OR51B5: variants seen among roughly 807,000 people sequenced by gnomAD.
OR51B5 encodes olfactory receptor family 51 subfamily B member 5, also known as olfactory receptor 51B5.
For missense variants in OR51B5, 456 were observed against 374.6 expected (o/e 1.22, Z -1.79); for synonymous variants, 186 against 144.8 (o/e 1.28, Z -2.04).
intron 1 of OR51B5, among the ~76,000 whole-genome samples, chr11:5,477,997 G>A (rs1851342541): frequency 1.3e-5 from 2 of 151,950 alleles, no homozygotes; most frequent in South Asian, 4.2e-4. Flanking sequence ...CTCCAACTGG[G>A]TGGAGCCCAC....
At chr11:5,465,847 T>C (rs1851132222) in intron 1 of OR51B5, among the ~76,000 whole-genome samples, 1 of 150,352 alleles carries the variant, frequency 6.7e-6, no homozygotes, top group Non-Finnish European at 1.5e-5. Flanking sequence ...CCTAAAACCA[T>C]AAAAACCCTA....
chr11:5,447,439 G>A (rs1367247386), intron 1 of OR51B5, among the ~76,000 whole-genome samples: 1 of 152,126 alleles, frequency 6.6e-6, no homozygotes, highest in African/African-American at 2.4e-5. Context: ...GTCTATAGGT[G>A]GTAGTAGCTT....
At chr11:5,417,496 C>A (rs1459754913) in intron 1 of OR51B5, among the ~76,000 whole-genome samples, 7 of 150,556 alleles carry the variant, frequency 4.6e-5, no homozygotes, top group Admixed American at 6.6e-5. Context: ...AGGCAACCCA[C>A]AAAATGGGAG....
At chr11:5,366,541 G>T (rs147600387) in intron 1 of OR51B5, among the ~76,000 whole-genome samples, 1 of 151,884 alleles carries the variant, frequency 6.6e-6, no homozygotes, top group Admixed American at 6.6e-5. Context: ...CCTGGGAGGC[G>T]GAGGTTGCAG....
intron 1 of OR51B5, among the ~76,000 whole-genome samples, chr11:5,473,871 G>A (rs1851266138): frequency 6.6e-6 from 1 of 151,944 alleles, no homozygotes; most frequent in African/African-American, 2.4e-5. Context: ...GTGTGTGTGT[G>A]TGTGTGTGTA....
At chr11:5,413,044 G>GA (rs1307986228) in intron 1 of OR51B5, among the ~76,000 whole-genome samples, 1 of 151,660 alleles carries the variant, frequency 6.6e-6, no homozygotes, top group Non-Finnish European at 1.5e-5. Context: ...CCCCAGTAGG[G>GA]CAGACTGACA....
rs968183689 is a variant in OR51B5 at position 5,350,590 on chromosome 11, TA to T, written n.85-3681del. Among the ~76,000 whole-genome samples the T allele has an allele frequency of 3.5e-3, 534 of 150,564 alleles. 1 individual carries two copies. Among genetic ancestry groups the T allele is most frequent in the South Asian group, 0.017 (82 of 4,752 alleles). On this transcript the variant is annotated intron_variant and non_coding_transcript_variant, in intron 1 of 4. Coordinates refer to the OR51B5 transcript ENST00000415970. ...CAAATCCCATCAGATTCCATAGTTT[TA>T]AAAAAAAAATTCTCCTTGATCTTGC...
intron 1 of OR51B5, among the ~76,000 whole-genome samples, chr11:5,499,701 C>A (rs1380863343): frequency 6.6e-6 from 1 of 152,138 alleles, no homozygotes; most frequent in African/African-American, 2.4e-5. Context: ...CCCTTTCTAC[C>A]AAGCCTTAAA....
chr11:5,340,337 TTTTA>T (rs551961953), downstream of OR51B5: 231 of 152,252 alleles, frequency 1.5e-3, no homozygotes, highest in African/African-American at 5.4e-3. Flanking sequence ...TGAAGATTCT[TTTTA>T]TTTATTATCA....
chr11:5,393,672 G>A (rs959381701), intron 1 of OR51B5, among the ~76,000 whole-genome samples: 2 of 151,974 alleles, frequency 1.3e-5, no homozygotes, highest in Non-Finnish European at 2.9e-5. Flanking sequence ...CGGTAGAGAG[G>A]GCTGAGTACT....
chr11:5,484,784 C>T (rs144974471), intron 1 of OR51B5, among the ~76,000 whole-genome samples: 284 of 152,258 alleles, frequency 1.9e-3, no homozygotes, highest in Middle Eastern at 6.8e-3. Context: ...ACAAACCCGA[C>T]GGTATTACCA....
At chr11:5,469,758 T>C (rs936137245) in intron 1 of OR51B5, among the ~76,000 whole-genome samples, 1 of 152,190 alleles carries the variant, frequency 6.6e-6, no homozygotes, top group African/African-American at 2.4e-5. Flanking sequence ...GATTTCCCCT[T>C]TCTCTCTACT....
intron 1 of OR51B5, chr11:5,391,368 A>C (rs11037195): frequency 0.79 from 119,870 of 151,992 alleles, 47,643 homozygotes; most frequent in Middle Eastern, 0.84. Flanking sequence ...TCCCGTTGTA[A>C]CATTTGTCAC....
chr11:5,485,927 TA>T (rs1380606179), intron 1 of OR51B5, among the ~76,000 whole-genome samples: 1 of 152,054 alleles, frequency 6.6e-6, no homozygotes, highest in Non-Finnish European at 1.5e-5. Flanking sequence ...ATAGTTTTTT[TA>T]AAAAATGTGG....
rs749417670 is a variant in OR51B5 at position 5,390,237 on chromosome 11, C to T, written n.85-43327G>A. ...CTGGTGCACCGTTTTGGGAAGCATG[C>T]CCCACCTGCTATTCATCTTCTTATG... On this transcript the variant is annotated intron_variant and non_coding_transcript_variant, in intron 1 of 4. Coordinates refer to the OR51B5 transcript ENST00000415970. The T allele has an allele frequency of 4.3e-6, 7 of 1,613,998 alleles. 1 individual carries two copies. The South Asian group carries it at 5.5e-5, about 13-fold the overall frequency.
Position 5,422,369 on chromosome 11 carries a change from G to T in OR51B5, n.85-75459C>A, listed in dbSNP as rs148600381. On this transcript the variant is annotated intron_variant and non_coding_transcript_variant, in intron 1 of 4. Transcript: ENST00000415970. ...CACTGTCATTCGCACAGAGCCATCT[G>T]TCCACCAGCGCATGTATCTGTTTCT... The T allele has an allele frequency of 2.4e-4, 392 of 1,614,122 alleles. 1 individual carries two copies. In the East Asian group the frequency reaches 4.7e-3, roughly 20 times the overall value.
In OR51B5 at chr11:5,351,855, G is replaced by A. The variant is rs200447691; in HGVS notation, n.85-4945C>T. 1.7e-4 allele frequency: 273 copies of A among 1,613,838 alleles called. 1 individual carries two copies. The highest frequency in any genetic ancestry group is 2.2e-4 in the Non-Finnish European group (265 of 1,179,814). Reference sequence around the variant, plus strand: ...TGGAGTCAGGTGTCTTGCTTGCCATGGCTTATGACTGTTTCATTACCATCC... The same window carrying A: ...TGGAGTCAGGTGTCTTGCTTGCCATAGCTTATGACTGTTTCATTACCATCC... On this transcript the variant is annotated intron_variant and non_coding_transcript_variant, in intron 1 of 4. Transcript: ENST00000415970.
chr11:5,480,119 T>A (rs1160624312), intron 1 of OR51B5, among the ~76,000 whole-genome samples: 1 of 152,168 alleles, frequency 6.6e-6, no homozygotes, highest in African/African-American at 2.4e-5. Flanking sequence ...AAAGCTCTCC[T>A]CATCAAATGT....
intron 1 of OR51B5, among the ~76,000 whole-genome samples, chr11:5,459,543 T>C (rs1851014800): frequency 6.6e-6 from 1 of 151,840 alleles, no homozygotes; most frequent in Non-Finnish European, 1.5e-5. Context: ...TACAAGAAAA[T>C]AAAAACCATT....
Sources: gnomAD v4.1 joint callset for allele counts (sites outside exome capture counted in the v4.1 genomes callset) on GRCh38, gnomAD v4.1.1 for gene constraint, MANE v1.5 for transcripts, NCBI Gene and HGNC (gene_info 2026-07-23, HGNC 2026-07-21) for gene names.